IFT88: variants seen among roughly 807,000 people sequenced by gnomAD.
The protein encoded by IFT88 is intraflagellar transport 88.
Under a neutral mutation model 119.5 loss-of-function variants are expected in IFT88, and 74 were observed. The ratio of observed to expected loss-of-function variants is 0.62; its 90% confidence interval spans 0.51 to 0.75. The LOEUF is 0.75. Ranked by LOEUF, IFT88 falls within the 30% of genes least tolerant of loss-of-function variation. IFT88 has a pLI of 0.00. For synonymous variants in IFT88, 279 were observed against 316.7 expected (o/e 0.88, Z 1.26); for missense variants, 961 against 977.7 (o/e 0.98, Z 0.23).
chr13:20,581,685 C>G (rs1481807363), intron 2 of IFT88, among the ~76,000 whole-genome samples: 4 of 118,438 alleles, frequency 3.4e-5, no homozygotes, highest in Admixed American at 8.1e-5. Context: ...AAAATCCTGT[C>G]TCTAAAAAAA....
intron 24 of IFT88, among the ~76,000 whole-genome samples, chr13:20,679,014 C>T (rs1440079433): frequency 6.6e-6 from 1 of 152,154 alleles, no homozygotes; most frequent in East Asian, 1.9e-4. Context: ...GTCAGATGTG[C>T]CTGAGAGGCT....
rs551554886 is a variant in IFT88 at position 20,689,681 on chromosome 13, A to G, written c.2243-1024A>G. On this transcript the variant is annotated intron_variant, in intron 24 of 25. Coordinates refer to ENST00000351808, the MANE Select transcript of IFT88 (RefSeq NM_006531.5). ...CTCATTCATCTTTTAAAAGATTGCT[A>G]TATAGTTATTGTGTATATATTTGGT... Among the ~76,000 whole-genome samples the G allele has an allele frequency of 9.2e-5, 14 of 152,252 alleles. No homozygotes were observed. In the South Asian group the frequency reaches 2.5e-3, roughly 27 times the overall value.
chr13:20,658,377 G>C (rs181536731), intron 22 of IFT88, among the ~76,000 whole-genome samples: 35 of 152,134 alleles, frequency 2.3e-4, no homozygotes, highest in Admixed American at 1.8e-3. Flanking sequence ...CACCATGCCC[G>C]GCCTAGAACT....
At chr13:20,625,141 G>A (rs2047110548) in intron 14 of IFT88, among the ~76,000 whole-genome samples, 3 of 152,130 alleles carry the variant, frequency 2.0e-5, no homozygotes, top group Admixed American at 2.0e-4. Context: ...TTGATGCAGT[G>A]AGTTTGGTAT....
chr13:20,628,011 A>G (rs977123818), intron 15 of IFT88, among the ~76,000 whole-genome samples: 2 of 151,948 alleles, frequency 1.3e-5, no homozygotes, highest in Non-Finnish European at 2.9e-5. Flanking sequence ...TTTTGTTTGT[A>G]TATTGTAAGT....
At chr13:20,673,476 C>T (rs1415696302) in intron 24 of IFT88, among the ~76,000 whole-genome samples, 2 of 152,220 alleles carry the variant, frequency 1.3e-5, no homozygotes, top group African/African-American at 4.8e-5. Context: ...ACAGATTGAT[C>T]AGTGTGCCTC....
At chr13:20,580,577 T>C (rs1490660856) in intron 2 of IFT88, among the ~76,000 whole-genome samples, 1 of 151,616 alleles carries the variant, frequency 6.6e-6, no homozygotes, top group East Asian at 1.9e-4. Flanking sequence ...TGATAGGATA[T>C]TTTTTCCTGT....
intron 24 of IFT88, 69 bp downstream of exon 24, chr13:20,671,108 C>T: frequency 8.1e-7 from 1 of 1,235,576 alleles, no homozygotes; most frequent in Non-Finnish European, 1.2e-6. Context: ...CTGGAAACAT[C>T]TTGCAATAAT....
Position 20,653,858 on chromosome 13 carries a change from C to A in IFT88, c.1950-18C>A. 1 of 1,461,506 alleles carries A rather than the reference C, an allele frequency of 6.8e-7. No individual in the cohort carries two copies. Among genetic ancestry groups the A allele is most frequent in the Non-Finnish European group, 9.3e-7 (1 of 1,078,426 alleles). 90.5% of individuals were successfully genotyped at this position (1,461,506 alleles called of 1,614,324 possible). A position where few individuals can be genotyped will look rare whatever the true frequency, so the allele number is the denominator to read the frequency against. ...GATTTTTTTATCTCTAATTTCATCTCATTTATTTATTTTATAGGCCTACAC... is the reference window on the plus strand; with the variant it reads ...GATTTTTTTATCTCTAATTTCATCTAATTTATTTATTTTATAGGCCTACAC... On this transcript the variant is annotated intron_variant, in intron 20 of 25. Transcript: ENST00000351808.
intron 2 of IFT88, among the ~76,000 whole-genome samples, chr13:20,578,849 G>A (rs1352008415): frequency 6.6e-6 from 1 of 152,108 alleles, no homozygotes; most frequent in East Asian, 1.9e-4. Context: ...GCATCCAGCC[G>A]ATCCTTCACA....
chr13:20,574,999 C>T (rs571848818), intron 2 of IFT88, among the ~76,000 whole-genome samples: 2 of 151,924 alleles, frequency 1.3e-5, no homozygotes, highest in South Asian at 2.1e-4. Context: ...TTTAAATGTA[C>T]AATTAAATTA....
chr13:20,600,351 T>A (rs1231156977), intron 11 of IFT88, among the ~76,000 whole-genome samples: 1 of 151,948 alleles, frequency 6.6e-6, no homozygotes, highest in East Asian at 1.9e-4. Flanking sequence ...GCTATAATAA[T>A]TCAGTGGAAG....
chr13:20,627,697 C>G (rs1357749936), intron 15 of IFT88, among the ~76,000 whole-genome samples: 1 of 136,498 alleles, frequency 7.3e-6, no homozygotes, highest in Non-Finnish European at 1.5e-5. Context: ...CACCACTGCA[C>G]TCTGGCCTGA....
At chr13:20,584,284 C>A (rs1037820960) in intron 3 of IFT88, among the ~76,000 whole-genome samples, 1 of 151,814 alleles carries the variant, frequency 6.6e-6, no homozygotes, top group South Asian at 2.1e-4. Context: ...GGATGCCTTT[C>A]CATTTGTTTA....
intron 20 of IFT88, among the ~76,000 whole-genome samples, chr13:20,649,220 T>C (rs997351121): frequency 6.6e-6 from 1 of 152,202 alleles, no homozygotes; most frequent in African/African-American, 2.4e-5. Context: ...TGTACATTCT[T>C]AAGTGTACAT....
chr13:20,652,553 T>C (rs1302884094), intron 20 of IFT88, among the ~76,000 whole-genome samples: 3 of 151,504 alleles, frequency 2.0e-5, no homozygotes, highest in African/African-American at 7.3e-5. Flanking sequence ...GAAGGGGAGG[T>C]TACAGTGAGC....
At chr13:20,608,907 C>G (rs1253158654) in intron 13 of IFT88, among the ~76,000 whole-genome samples, 1 of 152,332 alleles carries the variant, frequency 6.6e-6, no homozygotes, top group East Asian at 1.9e-4. Flanking sequence ...TCTGCCTCCA[C>G]TTCTCTTGGG....
chr13:20,663,622 CA>C lies in IFT88; in HGVS notation c.2175+21del. ...GGGAACAGGTATCTCATATGGGCCCCAAACTGCAGTCTGTTAATTTTTAGAA... is the reference window on the plus strand; with the variant it reads ...GGGAACAGGTATCTCATATGGGCCCCAACTGCAGTCTGTTAATTTTTAGAA... On this transcript the variant is annotated intron_variant, in intron 23 of 25. Transcript: ENST00000351808. The C allele has an allele frequency of 6.6e-7, 1 of 1,520,180 alleles. No individual in the cohort carries two copies. The highest frequency in any genetic ancestry group is 1.4e-5 in the African/African-American group (1 of 72,506). The allele number at this position is 1,520,180 out of a possible 1,614,324, so 94.2% of individuals were successfully genotyped here. A position where few individuals can be genotyped will look rare whatever the true frequency, so the allele number is the denominator to read the frequency against.
chr13:20,653,451 A>T (rs1566366252), intron 20 of IFT88, among the ~76,000 whole-genome samples: 1 of 152,044 alleles, frequency 6.6e-6, no homozygotes, highest in Non-Finnish European at 1.5e-5. Context: ...GATTAGTAGA[A>T]TTTTTTTTAC....
Sources: gnomAD v4.1 joint callset for allele counts (sites outside exome capture counted in the v4.1 genomes callset) on GRCh38, gnomAD v4.1.1 for gene constraint, MANE v1.5 for transcripts, NCBI Gene and HGNC (gene_info 2026-07-23, HGNC 2026-07-21) for gene names.